Variants in VPS13A observed in about 807,000 individuals in gnomAD.
VPS13A encodes vacuolar protein sorting 13 homolog A.
VPS13A carries 264 observed loss-of-function variants against 390.9 expected under a neutral mutation model. That is an observed-to-expected ratio of 0.68 (90% CI 0.61 to 0.75). The LOEUF (loss-of-function observed/expected upper bound fraction) is 0.75, where lower values mean the gene tolerates loss of function less well. VPS13A is among the 30% of genes least tolerant of loss of function. The pLI, the probability that VPS13A is intolerant of heterozygous loss-of-function variation, is 0.00. For synonymous variants in VPS13A, 1,231 were observed against 1,227.1 expected (o/e 1.00, Z -0.07); for missense variants, 3,409 against 3,733.9 (o/e 0.91, Z 2.27).
At chr9:77,323,348 T>C (rs1429986701) in intron 45 of VPS13A, 121 bp downstream of exon 45, 3 of 1,189,506 alleles carry the variant, frequency 2.5e-6, no homozygotes, top group South Asian at 2.6e-5. Context: ...ATACAGCTGA[T>C]ATCAAAAAGA....
At chr9:77,381,270 A>G (rs1440406446) in intron 67 of VPS13A, among the ~76,000 whole-genome samples, 1 of 151,960 alleles carries the variant, frequency 6.6e-6, no homozygotes, top group Non-Finnish European at 1.5e-5. Flanking sequence ...GCATACCACC[A>G]TGTCTGACTA....
chr9:77,255,670 G>A (rs1374480850), intron 22 of VPS13A, among the ~76,000 whole-genome samples: 1 of 151,998 alleles, frequency 6.6e-6, no homozygotes, highest in Non-Finnish European at 1.5e-5. Flanking sequence ...GGAGGTTTTT[G>A]ATTACTGATT....
chr9:77,227,616 A>G lies in VPS13A; in HGVS notation c.1452+131A>G, dbSNP rs1823588734. 5.8e-6 allele frequency: 4 copies of G among 693,810 alleles called. No individual in the cohort carries two copies. The South Asian group carries it at 7.2e-5, about 12-fold the overall frequency. The allele number at this position is 693,810 out of a possible 1,614,324, so 43.0% of individuals were successfully genotyped here. On this transcript the variant is annotated intron_variant, in intron 16 of 71. Coordinates refer to ENST00000360280, the MANE Select transcript of VPS13A (RefSeq NM_033305.3). ...CTGCTGCCAGCCTTAACCTGGCCTC[A>G]AGCAATCCTCCCACCTCAGCCTCTC...
chr9:77,413,702 C>T (rs1426097140), intron 71 of VPS13A, among the ~76,000 whole-genome samples: 1 of 152,156 alleles, frequency 6.6e-6, no homozygotes, highest in Non-Finnish European at 1.5e-5. Context: ...ATGTCTAAAA[C>T]ACCAAAAGCA....
intron 60 of VPS13A, among the ~76,000 whole-genome samples, chr9:77,366,075 A>G (rs976546274): frequency 1.3e-5 from 2 of 152,114 alleles, no homozygotes; most frequent in Admixed American, 6.5e-5. Context: ...TGAAACATAT[A>G]CTTTTGGAGA....
rs1260058352 is a variant in VPS13A, at chr9:77,316,426, A to G, written c.4863+20A>G. The G allele has an allele frequency of 1.3e-6, 2 of 1,596,334 alleles. No homozygotes were observed. Among genetic ancestry groups the G allele is most frequent in the South Asian group, 1.1e-5 (1 of 90,704 alleles). ...ACTACTGTGAGTTAACTATTTGATCATCTGCTTAATTGTAACTATTTTGGA... is the reference window on the plus strand; with the variant it reads ...ACTACTGTGAGTTAACTATTTGATCGTCTGCTTAATTGTAACTATTTTGGA... On this transcript the variant is annotated intron_variant, in intron 39 of 71. Transcript: ENST00000360280.
chr9:77,264,252 T>G (rs1825911779), intron 23 of VPS13A, among the ~76,000 whole-genome samples: 3 of 152,170 alleles, frequency 2.0e-5, no homozygotes, highest in South Asian at 2.1e-4. Context: ...TTGTTCTTTT[T>G]GCTTAGGATT....
Position 77,371,044 on chromosome 9 carries a change from C to G in VPS13A, c.8972C>G (p.Ala2991Gly). The part of the protein sequence containing the change: ...KPIKGAQKGG[A>G]AGFFKGVGKG... ...TTTCCAGGAGCTCAAAAAGGAGGAG[C>G]AGCTGGTTTCTTTAAAGGTGTTGGG... Residue 2991 changes from alanine (A) to glycine (G), a missense_variant, in exon 67 of 72, where the codon GCA becomes GGA. Ala to Gly is a moderately conservative substitution (Grantham distance 60). Transcript: ENST00000360280. 2 of 1,614,046 alleles carry G rather than the reference C, an allele frequency of 1.2e-6. No individual in the cohort carries two copies. The highest frequency in any genetic ancestry group is 8.5e-7 in the Non-Finnish European group (1 of 1,179,988).
intron 68 of VPS13A, among the ~76,000 whole-genome samples, chr9:77,388,087 A>G (rs1035238506): frequency 6.6e-6 from 1 of 152,198 alleles, no homozygotes; most frequent in Non-Finnish European, 1.5e-5. Flanking sequence ...CTTGCAAAAT[A>G]GTAAAGGGTC....
At chr9:77,257,365 G>A (rs1825507345) in intron 22 of VPS13A, among the ~76,000 whole-genome samples, 1 of 152,100 alleles carries the variant, frequency 6.6e-6, no homozygotes, top group African/African-American at 2.4e-5. Flanking sequence ...CTCCTGAGTA[G>A]CTGGGACTAC....
intron 53 of VPS13A, among the ~76,000 whole-genome samples, chr9:77,352,750 A>G (rs1831540337): frequency 6.6e-6 from 1 of 152,142 alleles, no homozygotes; most frequent in Admixed American, 6.5e-5. Context: ...TAATTATTTT[A>G]TGGTAACAAC....
chr9:77,370,919 TACAA>T lies in VPS13A; in HGVS notation c.8939_8942del (p.Thr2980AsnfsTer22), dbSNP rs1832712113. 1 of 1,613,844 alleles carries T rather than the reference TACAA, an allele frequency of 6.2e-7. No homozygotes were observed. Among genetic ancestry groups the T allele is most frequent in the Non-Finnish European group, 8.5e-7 (1 of 1,179,992 alleles). ...TTGTTAGTGGCATAACAGGAATTGT[TACAA>T]AACCAATCAAAGGCAAGTATAGTAG... On this transcript the variant is annotated frameshift_variant, in exon 66 of 72. Coordinates refer to ENST00000360280, the MANE Select transcript of VPS13A (RefSeq NM_033305.3). LOFTEE classifies it high-confidence loss of function.
intron 34 of VPS13A, among the ~76,000 whole-genome samples, chr9:77,305,339 A>G (rs1437069852): frequency 6.6e-6 from 1 of 152,258 alleles, no homozygotes; most frequent in Non-Finnish European, 1.5e-5. Context: ...TTTAACTTAC[A>G]GGGTAGGAGA....
intron 68 of VPS13A, among the ~76,000 whole-genome samples, chr9:77,392,198 T>C (rs1169852614): frequency 6.6e-6 from 1 of 152,310 alleles, no homozygotes; most frequent in East Asian, 1.9e-4. Context: ...CCCTAGGTAT[T>C]ATATGAACTT....
intron 71 of VPS13A, among the ~76,000 whole-genome samples, chr9:77,409,776 C>T (rs1388882263): frequency 6.6e-6 from 1 of 151,136 alleles, no homozygotes; most frequent in African/African-American, 2.4e-5. Context: ...ACAAAGCCTC[C>T]AAGAAATATG....
rs1477987937 is a variant in VPS13A, at chr9:77,281,930, T to C, written c.2964+4T>C. ...CAATGTTTTACAATTGATTAAGGTA[T>C]GAGTAGATAATTTATTTTTTAATTA... is the stretch of plus-strand genomic sequence containing the variant. On this transcript the variant is annotated splice_donor_region_variant and intron_variant, in intron 28 of 71. Transcript: ENST00000360280. The C allele has an allele frequency of 6.5e-7, 1 of 1,537,986 alleles. No individual in the cohort carries two copies. Among genetic ancestry groups the C allele is most frequent in the Non-Finnish European group, 9.0e-7 (1 of 1,114,634 alleles).
chr9:77,293,113 C>T (rs1409548950), intron 31 of VPS13A, among the ~76,000 whole-genome samples: 3 of 151,910 alleles, frequency 2.0e-5, no homozygotes, highest in African/African-American at 7.3e-5. Flanking sequence ...CACCTACTAC[C>T]TTGATTTTAT....
chr9:77,393,042 T>A (rs1833964892), intron 68 of VPS13A, among the ~76,000 whole-genome samples: 1 of 152,172 alleles, frequency 6.6e-6, no homozygotes, highest in Non-Finnish European at 1.5e-5. Context: ...CAATAGAACT[T>A]CTTTCAAAAT....
At chr9:77,212,379 C>T (rs903777076) in intron 7 of VPS13A, among the ~76,000 whole-genome samples, 1 of 151,994 alleles carries the variant, frequency 6.6e-6, no homozygotes, top group African/African-American at 2.4e-5. Flanking sequence ...AATCATATTC[C>T]CTGTCGACCT....
Sources: gnomAD v4.1 joint callset for allele counts (sites outside exome capture counted in the v4.1 genomes callset) on GRCh38, gnomAD v4.1.1 for gene constraint, MANE v1.5 for transcripts, NCBI Gene and HGNC (gene_info 2026-07-23, HGNC 2026-07-21) for gene names.